Variants in EHBP1 observed in about 807,000 individuals in gnomAD.
EHBP1 encodes EH domain binding protein 1.
Under a neutral mutation model 144.0 loss-of-function variants are expected in EHBP1, and 55 were observed. The observed-to-expected ratio is 0.38, with a 90% confidence interval of 0.31 to 0.48. The LOEUF is 0.48. Among genes scored for constraint, EHBP1 ranks in the 20% least tolerant of loss-of-function variants. The probability of loss-of-function intolerance (pLI) is 0.98; values close to 1 mark genes in which losing one functional copy is unlikely to be tolerated. For synonymous variants in EHBP1, 469 were observed against 472.7 expected (o/e 0.99, Z 0.10); for missense variants, 1,200 against 1,364.2 (o/e 0.88, Z 1.90).
At chr2:63,029,336 A>C (rs900973747) in intron 19 of EHBP1, among the ~76,000 whole-genome samples, 6 of 151,912 alleles carry the variant, frequency 3.9e-5, no homozygotes, top group Non-Finnish European at 7.4e-5. Flanking sequence ...CACTAACTAT[A>C]GACTTTGTTA....
At chr2:62,734,603 C>G (rs2037933557) in intron 2 of EHBP1, among the ~76,000 whole-genome samples, 1 of 152,090 alleles carries the variant, frequency 6.6e-6, no homozygotes, top group African/African-American at 2.4e-5. Context: ...TTTTGAACCT[C>G]TGACAATCTT....
chr2:62,921,623 A>G (rs771554498), intron 10 of EHBP1, among the ~76,000 whole-genome samples: 1 of 152,198 alleles, frequency 6.6e-6, no homozygotes, highest in African/African-American at 2.4e-5. Flanking sequence ...GCATACAGAA[A>G]ACAACTAGCA....
intron 21 of EHBP1, among the ~76,000 whole-genome samples, chr2:63,042,087 T>C (rs1055200162): frequency 1.3e-5 from 2 of 152,156 alleles, no homozygotes; most frequent in Non-Finnish European, 2.9e-5. Flanking sequence ...CAAAACTTAA[T>C]CCTATTTGTT....
At chr2:62,783,075 A>G (rs919497795) in intron 5 of EHBP1, among the ~76,000 whole-genome samples, 1 of 152,214 alleles carries the variant, frequency 6.6e-6, no homozygotes, top group Non-Finnish European at 1.5e-5. Context: ...TACAGGCCAT[A>G]TGCAAGTCCA....
chr2:62,818,206 GC>G (rs1244116940), intron 5 of EHBP1, among the ~76,000 whole-genome samples: 1 of 121,078 alleles, frequency 8.3e-6, no homozygotes, highest in Non-Finnish European at 1.7e-5. Flanking sequence ...AATGTCTTAG[GC>G]CTTCACATTT....
chr2:62,844,202 A>G (rs1221751814), intron 7 of EHBP1, among the ~76,000 whole-genome samples: 2 of 152,204 alleles, frequency 1.3e-5, no homozygotes, highest in African/African-American at 4.8e-5. Flanking sequence ...GACAAAACAT[A>G]TCCTCCAAAA....
chr2:62,899,760 T>C (rs2053245735), intron 10 of EHBP1, among the ~76,000 whole-genome samples: 1 of 152,234 alleles, frequency 6.6e-6, no homozygotes, highest in African/African-American at 2.4e-5. Context: ...TCTTTCCATA[T>C]AAACTCATTA....
chr2:62,797,233 G>A (rs766035469), intron 5 of EHBP1, among the ~76,000 whole-genome samples: 3 of 152,024 alleles, frequency 2.0e-5, no homozygotes, highest in Non-Finnish European at 2.9e-5. Flanking sequence ...ATTACTTTGC[G>A]TGCAGCAACC....
chr2:62,742,113 C>T (rs1165971107), intron 2 of EHBP1, among the ~76,000 whole-genome samples: 1 of 152,082 alleles, frequency 6.6e-6, no homozygotes, highest in Non-Finnish European at 1.5e-5. Flanking sequence ...ATAGGCTCTA[C>T]CATATAGTCT....
At chr2:62,710,322 C>T (rs763278443) in intron 2 of EHBP1, among the ~76,000 whole-genome samples, 7 of 151,584 alleles carry the variant, frequency 4.6e-5, no homozygotes, top group African/African-American at 9.7e-5. Context: ...TGTATGAATA[C>T]GTATTATATT....
At chr2:62,771,220 C>A in intron 4 of EHBP1, 119 bp from the exon 5 acceptor site, 2 of 560,214 alleles carry the variant, frequency 3.6e-6, no homozygotes, top group South Asian at 3.8e-5. Flanking sequence ...GCTATTCTGC[C>A]TCTCCATTTT....
chr2:62,866,350 A>G (rs1480344024), intron 9 of EHBP1, among the ~76,000 whole-genome samples: 1 of 152,222 alleles, frequency 6.6e-6, no homozygotes, highest in African/African-American at 2.4e-5. Flanking sequence ...ATGACAGCCA[A>G]TCAAACATTT....
chr2:62,865,137 C>T (rs573735777), intron 9 of EHBP1, among the ~76,000 whole-genome samples, 166 bp downstream of exon 9: 1 of 152,312 alleles, frequency 6.6e-6, no homozygotes, highest in African/African-American at 2.4e-5. Context: ...ACCTTATTCT[C>T]CCACCCTCTT....
intron 18 of EHBP1, 113 bp downstream of exon 18, chr2:62,994,090 C>A: frequency 1.5e-6 from 1 of 648,920 alleles, no homozygotes; most frequent in Non-Finnish European, 2.6e-6. Flanking sequence ...TGTCAATCTC[C>A]AGTGCATTCA....
At chr2:62,930,952 C>T (rs1489889560) in intron 10 of EHBP1, among the ~76,000 whole-genome samples, 1 of 152,056 alleles carries the variant, frequency 6.6e-6, no homozygotes, top group Non-Finnish European at 1.5e-5. Context: ...AAAAACAAAA[C>T]ATTGGATTTG....
At chr2:62,808,118 T>C (rs1342820336) in intron 5 of EHBP1, among the ~76,000 whole-genome samples, 1 of 151,700 alleles carries the variant, frequency 6.6e-6, no homozygotes, top group African/African-American at 2.4e-5. Context: ...GCCTTTATCC[T>C]GCTTGGTGTT....
intron 7 of EHBP1, among the ~76,000 whole-genome samples, chr2:62,836,524 G>C (rs200838923): frequency 3.6e-5 from 5 of 138,248 alleles, no homozygotes; most frequent in African/African-American, 8.2e-5. Flanking sequence ...GAAGGCTTCA[G>C]ACGATCAAAT....
chr2:62,851,288 C>T (rs2048677024), intron 7 of EHBP1, among the ~76,000 whole-genome samples: 1 of 152,270 alleles, frequency 6.6e-6, no homozygotes, highest in Admixed American at 6.5e-5. Flanking sequence ...CAGCTGCCAG[C>T]CCCATCTAAT....
intron 19 of EHBP1, among the ~76,000 whole-genome samples, chr2:63,013,314 T>C: frequency 6.6e-6 from 1 of 152,208 alleles, no homozygotes; most frequent in Non-Finnish European, 1.5e-5. Flanking sequence ...TTGGACTTTA[T>C]GATTCAGGCA....
Sources: gnomAD v4.1 joint callset for allele counts (sites outside exome capture counted in the v4.1 genomes callset) on GRCh38, gnomAD v4.1.1 for gene constraint, MANE v1.5 for transcripts, NCBI Gene and HGNC (gene_info 2026-07-23, HGNC 2026-07-21) for gene names.